Variants in FGF12 observed in about 807,000 individuals in gnomAD.
The protein encoded by FGF12 is fibroblast growth factor 12, also known as fibroblast growth factor 12B.
FGF12 carries 14 observed loss-of-function variants against 23.6 expected under a neutral mutation model. That is an observed-to-expected ratio of 0.59 (90% CI 0.39 to 0.93). FGF12 has a LOEUF of 0.93. FGF12 is among the 40% of genes least tolerant of loss of function. The pLI, the probability that FGF12 is intolerant of heterozygous loss-of-function variation, is 0.00. For synonymous variants in FGF12, 62 were observed against 77.3 expected, an observed-to-expected ratio of 0.80 and a Z score of 1.04; for missense variants, 175 against 217.8, an observed-to-expected ratio of 0.80 and a Z score of 1.24.
Position 192,727,261 on chromosome 3 carries a change from T to A in FGF12, c.-68A>T. 6.4e-7 allele frequency: 1 copy of A among 1,556,898 alleles called. No individual in the cohort carries two copies. The highest frequency in any genetic ancestry group is 1.2e-5 in the South Asian group (1 of 84,236). On this transcript the variant is annotated 5_prime_UTR_variant, in exon 2 of 6. Coordinates refer to ENST00000445105, the MANE Select transcript of FGF12 (RefSeq NM_004113.6). The stretch of plus-strand genomic sequence containing the variant: ...CGGAAGATGTGGGCCCGCTTCAGAT[T>A]CCCAAATCTGGGAAGCCAATCTGAT...
chr3:192,697,011 C>G (rs1718146655), intron 2 of FGF12, among the ~76,000 whole-genome samples: 1 of 152,104 alleles, frequency 6.6e-6, no homozygotes, highest in African/African-American at 2.4e-5. Flanking sequence ...CCACACTACC[C>G]TGAAGATCTG....
intron 2 of FGF12, among the ~76,000 whole-genome samples, chr3:192,474,782 G>A (rs1723270561): frequency 6.6e-6 from 1 of 152,006 alleles, no homozygotes; most frequent in Non-Finnish European, 1.5e-5. Flanking sequence ...GTATTTGGGA[G>A]GCTGAAGCAG....
chr3:192,287,913 T>C lies in FGF12; in HGVS notation c.228+47448A>G, dbSNP rs527836103. Among the ~76,000 whole-genome samples, 3 of 152,182 alleles carry C rather than the reference T, an allele frequency of 2.0e-5. No individual in the cohort carries two copies. The East Asian group carries it at 5.8e-4, about 29-fold the overall frequency. Reference sequence around the variant, plus strand: ...AGAAGCGCAGACAAAAGATACTTCTTTAACCCAGCCTAAGCCAAAAAGGGC... The same window carrying C: ...AGAAGCGCAGACAAAAGATACTTCTCTAACCCAGCCTAAGCCAAAAAGGGC... On this transcript the variant is annotated intron_variant, in intron 4 of 5. Coordinates refer to ENST00000445105, the MANE Select transcript of FGF12 (RefSeq NM_004113.6).
At chr3:192,415,747 C>CAG (rs1721332565) in intron 2 of FGF12, among the ~76,000 whole-genome samples, 1 of 151,170 alleles carries the variant, frequency 6.6e-6, no homozygotes, top group East Asian at 1.9e-4. Context: ...CACACACACA[C>CAG]ACACACACAC....
At chr3:192,358,541 T>C (rs1718579202) in intron 3 of FGF12, among the ~76,000 whole-genome samples, 1 of 152,076 alleles carries the variant, frequency 6.6e-6, no homozygotes, top group Non-Finnish European at 1.5e-5. Flanking sequence ...GATATATATA[T>C]GCATGGAGGA....
At chr3:192,299,483 A>T (rs759607611) in intron 4 of FGF12, among the ~76,000 whole-genome samples, 1 of 152,178 alleles carries the variant, frequency 6.6e-6, no homozygotes, top group Non-Finnish European at 1.5e-5. Context: ...TATTGTATTT[A>T]AAAAATGAGA....
chr3:192,699,976 G>A (rs1718241096), intron 2 of FGF12, among the ~76,000 whole-genome samples: 1 of 152,140 alleles, frequency 6.6e-6, no homozygotes, highest in African/African-American at 2.4e-5. Flanking sequence ...TACCCTTGCT[G>A]AATCCCTGAG....
At chr3:192,642,269 C>T (rs145882216) in intron 2 of FGF12, among the ~76,000 whole-genome samples, 67 of 152,278 alleles carry the variant, frequency 4.4e-4, no homozygotes, top group African/African-American at 1.5e-3. Context: ...ACTATTGCTG[C>T]ATTACAGAGA....
At chr3:192,678,288 G>T (rs916453642) in intron 2 of FGF12, among the ~76,000 whole-genome samples, 2 of 152,194 alleles carry the variant, frequency 1.3e-5, no homozygotes, top group Non-Finnish European at 2.9e-5. Flanking sequence ...AATTCACCCA[G>T]CTAATAAATG....
chr3:192,295,121 C>G (rs1040095955), intron 4 of FGF12, among the ~76,000 whole-genome samples: 2 of 152,204 alleles, frequency 1.3e-5, no homozygotes, highest in Non-Finnish European at 2.9e-5. Context: ...CTCTTGCTAG[C>G]ATTCAGTCAC....
Position 192,718,161 on chromosome 3 carries a change from C to CTTTTTT in FGF12, c.13+9014_13+9019dup, listed in dbSNP as rs71177369. On this transcript the variant is annotated intron_variant, in intron 2 of 5. Transcript: ENST00000445105. ...GTTTGTCATTATTCTGTTAGTCTTT[C>CTTTTTT]TTTTTTTTTTTTTTTTTTTTTTTTA... Among the ~76,000 whole-genome samples the CTTTTTT allele has an allele frequency of 2.4e-3, 185 of 77,884 alleles. 1 individual carries two copies. The highest frequency in any genetic ancestry group is 7.0e-3 in the East Asian group (16 of 2,284). The allele number at this position is 77,884 out of a possible 152,430, so 51.1% of individuals were successfully genotyped here.
rs528004021 is a variant in FGF12 at position 192,409,471 on chromosome 3, G to A, written c.14-48933C>T. On this transcript the variant is annotated intron_variant, in intron 2 of 5. Transcript: ENST00000445105. This position sits in a 1 kb window ranked among gnomAD's most constrained non-coding sequence, Gnocchi z 4.8. ...TCAGGTCATCGCCGCGCTGCTGCCC[G>A]TGCCCCCTAGGCTCGCGCGCCCCGG... 4.5e-3 allele frequency among the ~76,000 whole-genome samples: 684 copies of A among 152,230 alleles called. 5 individuals carry two copies. The highest frequency in any genetic ancestry group is 0.015 in the African/African-American group (641 of 41,558).
intron 4 of FGF12, among the ~76,000 whole-genome samples, chr3:192,234,139 C>G (rs1258968356): frequency 1.3e-5 from 2 of 152,020 alleles, no homozygotes; most frequent in African/African-American, 4.8e-5. Flanking sequence ...CTGTAAATTA[C>G]TTTGGGAAGT....
intron 2 of FGF12, among the ~76,000 whole-genome samples, chr3:192,491,721 C>G (rs1335973645): frequency 6.6e-6 from 1 of 152,128 alleles, no homozygotes; most frequent in African/African-American, 2.4e-5. Flanking sequence ...CCATCGTCTT[C>G]CAGTAGTATT....
intron 2 of FGF12, among the ~76,000 whole-genome samples, chr3:192,532,555 T>C: frequency 6.6e-6 from 1 of 152,162 alleles, no homozygotes; most frequent in Non-Finnish European, 1.5e-5. Flanking sequence ...AACTTTGTCG[T>C]TGTTGGTGTA....
intron 4 of FGF12, among the ~76,000 whole-genome samples, chr3:192,191,363 T>C (rs1716780845): frequency 6.6e-6 from 1 of 152,204 alleles, no homozygotes; most frequent in African/African-American, 2.4e-5. Context: ...AACCCTATTG[T>C]AAACTATTGA....
intron 4 of FGF12, among the ~76,000 whole-genome samples, chr3:192,204,851 T>C (rs930151931): frequency 6.6e-6 from 1 of 151,488 alleles, no homozygotes; most frequent in South Asian, 2.1e-4. Flanking sequence ...GCACCAAGAC[T>C]GTACTCCAGC....
chr3:192,365,262 T>TA (rs5855420), intron 2 of FGF12, among the ~76,000 whole-genome samples: 227 of 141,944 alleles, frequency 1.6e-3, no homozygotes, highest in Non-Finnish European at 2.2e-3. Context: ...AGTAAAAAAT[T>TA]AAAAAAAAAA....
At chr3:192,719,914 G>C (rs1016016167) in intron 2 of FGF12, among the ~76,000 whole-genome samples, 1 of 152,168 alleles carries the variant, frequency 6.6e-6, no homozygotes, top group Admixed American at 6.5e-5. Context: ...GTTGAGGTTT[G>C]TTCAATCTGT....
Sources: allele counts gnomAD v4.1 joint callset (sites outside exome capture counted in the v4.1 genomes callset), GRCh38; gene constraint gnomAD v4.1.1; non-coding constraint Gnocchi (gnomAD v3.1); transcripts MANE v1.5; gene names NCBI Gene and HGNC (gene_info 2026-07-23, HGNC 2026-07-21).